KPNA3: variants seen among roughly 807,000 people sequenced by gnomAD.
KPNA3 encodes importin subunit alpha-4.
A neutral mutation model predicts 73.8 loss-of-function variants in KPNA3; 13 were observed. The ratio of observed to expected loss-of-function variants is 0.18; its 90% confidence interval spans 0.11 to 0.28. The LOEUF (loss-of-function observed/expected upper bound fraction) is 0.28, where lower values mean the gene tolerates loss of function less well. Among genes scored for constraint, KPNA3 ranks in the 10% least tolerant of loss-of-function variants. The pLI is 1.00. For missense variants in KPNA3, 360 were observed against 618.1 expected (o/e 0.58, Z 4.43); for synonymous variants, 186 against 206.9 (o/e 0.90, Z 0.87).
intron 6 of KPNA3, among the ~76,000 whole-genome samples, chr13:49,729,956 A>G (rs1162625649): frequency 6.6e-6 from 1 of 152,184 alleles, no homozygotes; most frequent in African/African-American, 2.4e-5. Context: ...CTGGATTTGA[A>G]CCACAGTCAA....
intron 2 of KPNA3, among the ~76,000 whole-genome samples, chr13:49,735,960 C>A (rs1447671362): frequency 2.0e-5 from 3 of 152,178 alleles, no homozygotes; most frequent in African/African-American, 7.2e-5. Context: ...GAAAAACTGG[C>A]TTGCAATTCT....
rs34283770 is a variant in KPNA3 at position 49,701,198 on chromosome 13, G to GTT, written c.*600_*601dup. 6.8e-5 allele frequency: 10 copies of GTT among 146,884 alleles called. No individual in the cohort carries two copies. Among genetic ancestry groups the GTT allele is most frequent in the South Asian group, 3.5e-4 (2 of 5,778 alleles). The allele number at this position is 146,884 out of a possible 1,614,324, so 9.1% of individuals were successfully genotyped here. On this transcript the variant is annotated 3_prime_UTR_variant, in exon 17 of 17. Coordinates refer to ENST00000261667, the MANE Select transcript of KPNA3 (RefSeq NM_002267.4). ...ACATCAATTACTGGTAGATGAAGTA[G>GTT]TTTTTTTTTTTTTTTAAACTTATCT...
rs952144182 is a variant in KPNA3 at position 49,703,459 on chromosome 13, A to C, written c.1373-979T>G. 4.0e-4 allele frequency among the ~76,000 whole-genome samples: 61 copies of C among 151,684 alleles called. 1 individual carries two copies. The highest frequency in any genetic ancestry group is 7.7e-4 in the African/African-American group (32 of 41,358). ...CCTCCCAAAGTGCTGGGATTACAGG[A>C]GTGAGCCACTGCACCCGGCCAATCT... is the stretch of plus-strand genomic sequence containing the variant. On this transcript the variant is annotated intron_variant, in intron 15 of 16. Coordinates refer to ENST00000261667, the MANE Select transcript of KPNA3 (RefSeq NM_002267.4).
In KPNA3 at chr13:49,699,834, C is replaced by T. The variant is rs1819191; in HGVS notation, c.*1966G>A. On this transcript the variant is annotated 3_prime_UTR_variant, in exon 17 of 17. Transcript: ENST00000261667. ...AGTTTGTGACCTTAATTAGCTTTTACGTTGTTATTCCTACTTTTAGCGAAC... is the reference window on the plus strand; with the variant it reads ...AGTTTGTGACCTTAATTAGCTTTTATGTTGTTATTCCTACTTTTAGCGAAC... The T allele has an allele frequency of 0.12, 18,184 of 152,514 alleles. 2,176 individuals are homozygous for T. The highest frequency in any genetic ancestry group is 0.58 in the East Asian group (3,008 of 5,158). The allele number at this position is 152,514 out of a possible 1,614,324, so 9.4% of individuals were successfully genotyped here.
intron 1 of KPNA3, among the ~76,000 whole-genome samples, chr13:49,771,133 A>AG (rs1566358435): frequency 1.3e-5 from 2 of 151,530 alleles, no homozygotes; most frequent in East Asian, 1.9e-4. Context: ...AAAAAAAAAA[A>AG]AAGAAGAGGA....
chr13:49,776,392 A>C (rs972566854), intron 1 of KPNA3, among the ~76,000 whole-genome samples: 1 of 152,226 alleles, frequency 6.6e-6, no homozygotes, highest in Non-Finnish European at 1.5e-5. Context: ...TTTCACATCT[A>C]TTGAAGGATT....
intron 10 of KPNA3, among the ~76,000 whole-genome samples, chr13:49,713,398 A>T (rs1421305134): frequency 2.0e-5 from 3 of 151,862 alleles, no homozygotes; most frequent in Non-Finnish European, 4.4e-5. Context: ...TAGGCAAAAA[A>T]TAAAGGTATA....
intron 7 of KPNA3, among the ~76,000 whole-genome samples, chr13:49,723,338 G>T (rs1393645937): frequency 6.6e-6 from 1 of 152,082 alleles, no homozygotes; most frequent in African/African-American, 2.4e-5. Context: ...CTGGGAGGCC[G>T]AGGCAGATGG....
chr13:49,726,364 A>T (rs1954409166), intron 6 of KPNA3, among the ~76,000 whole-genome samples: 1 of 152,246 alleles, frequency 6.6e-6, no homozygotes, highest in African/African-American at 2.4e-5. Flanking sequence ...AGCTTTTCAA[A>T]GATGGATTTA....
intron 6 of KPNA3, among the ~76,000 whole-genome samples, chr13:49,731,845 C>T (rs1954472915): frequency 6.6e-6 from 1 of 152,144 alleles, no homozygotes; most frequent in South Asian, 2.1e-4. Context: ...GTAAATATAA[C>T]CTGTCCCCTT....
At chr13:49,792,045 C>A (rs1194193505) in intron 1 of KPNA3, among the ~76,000 whole-genome samples, 1 of 152,184 alleles carries the variant, frequency 6.6e-6, no homozygotes, top group Non-Finnish European at 1.5e-5. Context: ...CGGAAGGTTG[C>A]ACCGGTGGCG....
At chr13:49,708,506 G>A (rs984772465) in intron 12 of KPNA3, among the ~76,000 whole-genome samples, 14 of 152,120 alleles carry the variant, frequency 9.2e-5, no homozygotes, top group African/African-American at 3.4e-4. Flanking sequence ...ACATATGATC[G>A]AGCAATTCTA....
intron 1 of KPNA3, among the ~76,000 whole-genome samples, chr13:49,776,731 G>T (rs775087623): frequency 1.3e-5 from 2 of 152,056 alleles, no homozygotes; most frequent in African/African-American, 4.8e-5. Flanking sequence ...ATCCATTTCT[G>T]ATGTTTTTCT....
At chr13:49,721,431 T>C (rs1038929292) in intron 9 of KPNA3, among the ~76,000 whole-genome samples, 4 of 152,180 alleles carry the variant, frequency 2.6e-5, no homozygotes, top group Admixed American at 6.5e-5. Context: ...ATCAAAAAAA[T>C]AGGCATTAGG....
At chr13:49,745,209 C>A (rs777796215) in intron 2 of KPNA3, among the ~76,000 whole-genome samples, 1 of 152,112 alleles carries the variant, frequency 6.6e-6, no homozygotes, top group Non-Finnish European at 1.5e-5. Flanking sequence ...ATTTGAAGAG[C>A]TACCTAGCCC....
At chr13:49,714,289 C>A (rs1954286226) in intron 10 of KPNA3, among the ~76,000 whole-genome samples, 1 of 150,934 alleles carries the variant, frequency 6.6e-6, no homozygotes, top group Non-Finnish European at 1.5e-5. Context: ...CTGAAAAAAA[C>A]AAAAAACAAA....
chr13:49,785,934 C>A (rs1457074368), intron 1 of KPNA3, among the ~76,000 whole-genome samples: 1 of 152,188 alleles, frequency 6.6e-6, no homozygotes, highest in African/African-American at 2.4e-5. Context: ...TATGCATACT[C>A]CTGGGCTTGA....
intron 2 of KPNA3, among the ~76,000 whole-genome samples, chr13:49,733,309 C>CAAG (rs1264165165): frequency 2.8e-5 from 2 of 71,208 alleles, no homozygotes; most frequent in African/African-American, 8.8e-5. Context: ...TTTTTGGAGA[C>CAAG]AAGAGTCTTG....
At chr13:49,732,573 A>G (rs1379323254) in intron 5 of KPNA3, 32 bp downstream of exon 5, 5 of 1,556,176 alleles carry the variant, frequency 3.2e-6, no homozygotes, top group East Asian at 2.2e-5. Context: ...GAGGAATGAC[A>G]TAATTCTCTC....
Sources: allele counts gnomAD v4.1 joint callset (sites outside exome capture counted in the v4.1 genomes callset), GRCh38; gene constraint gnomAD v4.1.1; transcripts MANE v1.5; gene names NCBI Gene and HGNC (gene_info 2026-07-23, HGNC 2026-07-21).